The following SERPINA5 variants were observed in gnomAD, a reference collection of about 807,000 sequenced individuals.
SERPINA5 encodes serpin family A member 5.
SERPINA5 carries 25 observed loss-of-function variants against 25.3 expected under a neutral mutation model. That is an observed-to-expected ratio of 0.99 (90% CI 0.72 to 1.38). SERPINA5 has a LOEUF of 1.38. Among genes scored for constraint, SERPINA5 ranks in the 40% most tolerant of loss-of-function variants. The pLI, the probability that SERPINA5 is intolerant of heterozygous loss-of-function variation, is 0.00. For missense variants in SERPINA5, 599 were observed against 509.5 expected, an observed-to-expected ratio of 1.18 and a Z score of -1.69; for synonymous variants, 234 against 206.2, an observed-to-expected ratio of 1.14 and a Z score of -1.16.
chr14:94,588,810 T>G (rs1039792030), intron 3 of SERPINA5, among the ~76,000 whole-genome samples: 2 of 152,160 alleles, frequency 1.3e-5, no homozygotes, highest in African/African-American at 4.8e-5. Flanking sequence ...CCTTGGTTCA[T>G]AGAGAGTGCC....
chr14:94,581,477 A>G lies in SERPINA5; in HGVS notation c.-127A>G, dbSNP rs1884916873. 1 of 152,272 alleles carries G rather than the reference A, an allele frequency of 6.6e-6. No individual in the cohort carries two copies. Among genetic ancestry groups the G allele is most frequent in the Admixed American group, 6.5e-5 (1 of 15,288 alleles). The allele number at this position is 152,272 out of a possible 1,614,324, so 9.4% of individuals were successfully genotyped here. Reference sequence around the variant, plus strand: ...TGCCACCTCCACTGTGTGCACACTCAGCTACGGGACACAGTAAGTACCGAT... The same window carrying G: ...TGCCACCTCCACTGTGTGCACACTCGGCTACGGGACACAGTAAGTACCGAT... On this transcript the variant is annotated 5_prime_UTR_variant, in exon 1 of 6. Transcript: ENST00000329597.
Position 94,592,105 on chromosome 14 carries a change from G to A in SERPINA5, c.1087G>A (p.Ala363Thr). 1 of 1,614,078 alleles carries A rather than the reference G, an allele frequency of 6.2e-7. No homozygotes were observed. Among genetic ancestry groups the A allele is most frequent in the Admixed American group, 1.7e-5 (1 of 60,026 alleles). Residue 363 changes from alanine (A) to threonine (T), a missense_variant, in exon 6 of 6, where the codon GCG becomes ACG. Physicochemically the swap from Ala to Thr is moderately conservative, Grantham distance 58 (BLOSUM62 0). Transcript: ENST00000329597. ...GGTGGACGAGTCGGGAACCAGAGCA[G>A]CGGCAGCCACGGGGACAATATTCAC... ...VEVDESGTRA[A>T]AATGTIFTFR...
chr14:94,588,057 C>T (rs1299274927), intron 3 of SERPINA5, 76 bp downstream of exon 3: 7 of 1,524,966 alleles, frequency 4.6e-6, no homozygotes, highest in Non-Finnish European at 6.2e-6. Context: ...CCAATTCCCT[C>T]ACATACATAA....
At chr14:94,591,989 T>C in intron 5 of SERPINA5, 68 bp from the exon 6 acceptor site, 2 of 1,527,314 alleles carry the variant, frequency 1.3e-6, no homozygotes, top group Non-Finnish European at 1.8e-6. Flanking sequence ...AGGCAGAAGC[T>C]TTGCCATTTG....
At chr14:94,588,574 A>G (rs1885174970) in intron 3 of SERPINA5, among the ~76,000 whole-genome samples, 1 of 151,874 alleles carries the variant, frequency 6.6e-6, no homozygotes, top group Non-Finnish European at 1.5e-5. Flanking sequence ...AAGAGTGGAT[A>G]GAGAGGAGAA....
chr14:94,584,637 A>G (rs1885017511), intron 2 of SERPINA5, among the ~76,000 whole-genome samples: 1 of 152,176 alleles, frequency 6.6e-6, no homozygotes, highest in African/African-American at 2.4e-5. Context: ...AGGCTTGCCC[A>G]GGGTGACCTA....
In SERPINA5 at chr14:94,592,014, C is replaced by G. The variant is rs780627859; in HGVS notation, c.1039-43C>G. 4.4e-6 allele frequency: 7 copies of G among 1,583,724 alleles called. No individual in the cohort carries two copies. The Admixed American group carries it at 1.2e-4, about 27-fold the overall frequency. ...TTTGCCATTTGCTATGATGACTTCA[C>G]CTGCCCCTAGTGGCCTGGTGATGCC... On this transcript the variant is annotated intron_variant, in intron 5 of 5. Coordinates refer to ENST00000329597, the MANE Select transcript of SERPINA5 (RefSeq NM_000624.6).
intron 2 of SERPINA5, among the ~76,000 whole-genome samples, chr14:94,582,498 A>G (rs1884946982): frequency 1.3e-5 from 2 of 152,250 alleles, no homozygotes. Flanking sequence ...ATAGGAAGCC[A>G]GAGCTGAGAG....
At chr14:94,586,406 C>G (rs1216985758) in intron 2 of SERPINA5, among the ~76,000 whole-genome samples, 1 of 152,172 alleles carries the variant, frequency 6.6e-6, no homozygotes, top group Non-Finnish European at 1.5e-5. Context: ...TCCAAGGCCC[C>G]TCTCCTTGGC....
chr14:94,589,832 A>G (rs1340059442), intron 3 of SERPINA5, among the ~76,000 whole-genome samples: 2 of 152,194 alleles, frequency 1.3e-5, no homozygotes, highest in Admixed American at 1.3e-4. Context: ...ATGTGGAAGG[A>G]AAAGTCCCAC....
rs1335443829 is a variant in SERPINA5, at chr14:94,592,270, C to T, written c.*31C>T. 11 of 1,595,276 alleles carry T rather than the reference C, an allele frequency of 6.9e-6. No individual in the cohort carries two copies. The highest frequency in any genetic ancestry group is 9.4e-6 in the Non-Finnish European group (11 of 1,168,684). On this transcript the variant is annotated 3_prime_UTR_variant, in exon 6 of 6. Transcript: ENST00000329597. The stretch of plus-strand genomic sequence containing the variant: ...GGCTTCTCCTGAAATCTACAGGCCT[C>T]AGGGTGGGAGATGAAGGGGGCTAAG...
chr14:94,584,374 A>T (rs1885008513), intron 2 of SERPINA5, among the ~76,000 whole-genome samples: 1 of 152,140 alleles, frequency 6.6e-6, no homozygotes, highest in African/African-American at 2.4e-5. Context: ...TTTAATAATT[A>T]GTGGTTTTAC....
At chr14:94,589,375 G>GAC (rs1885201775) in intron 3 of SERPINA5, among the ~76,000 whole-genome samples, 1 of 152,048 alleles carries the variant, frequency 6.6e-6, no homozygotes, top group African/African-American at 2.4e-5. Flanking sequence ...TTGAACCTGG[G>GAC]AGGTGGGGGC....
In SERPINA5 at chr14:94,592,566, C is replaced by A; in HGVS notation, c.*327C>A. On this transcript the variant is annotated 3_prime_UTR_variant, in exon 6 of 6. Transcript: ENST00000329597. ...GTCCAGAGTCCTGGCCCTTGATGCC[C>A]AGCTCAGTGCCACAAAGCTCAATAG... The A allele has an allele frequency of 4.3e-6, 1 of 234,432 alleles. No homozygotes were observed. Among genetic ancestry groups the A allele is most frequent in the South Asian group, 8.7e-5 (1 of 11,484 alleles). 14.5% of individuals were successfully genotyped at this position (234,432 alleles called of 1,614,324 possible). A position where few individuals can be genotyped will look rare whatever the true frequency, so the allele number is the denominator to read the frequency against.
chr14:94,591,141 A>G (rs539482939), intron 5 of SERPINA5, among the ~76,000 whole-genome samples: 1 of 142,762 alleles, frequency 7.0e-6, no homozygotes, highest in South Asian at 2.3e-4. Context: ...AGTTCACTCT[A>G]TTCCATTCCA....
chr14:94,584,444 C>T (rs1395786793), intron 2 of SERPINA5, among the ~76,000 whole-genome samples: 1 of 151,918 alleles, frequency 6.6e-6, no homozygotes, highest in African/African-American at 2.4e-5. Context: ...AACATGTAGC[C>T]CAGGAGAGCC....
At chr14:94,588,451 G>A (rs1272429852) in intron 3 of SERPINA5, among the ~76,000 whole-genome samples, 1 of 152,090 alleles carries the variant, frequency 6.6e-6, no homozygotes, top group Non-Finnish European at 1.5e-5. Flanking sequence ...CCTCTGAAAT[G>A]CCTCCTCCTG....
intron 3 of SERPINA5, among the ~76,000 whole-genome samples, chr14:94,589,079 C>G (rs964027295): frequency 1.3e-5 from 2 of 152,192 alleles, no homozygotes; most frequent in East Asian, 1.9e-4. Flanking sequence ...CCCCATTACA[C>G]CAGATTGCTG....
chr14:94,586,096 G>A lies in SERPINA5; in HGVS notation c.-17-1250G>A, dbSNP rs920566121. Among the ~76,000 whole-genome samples, 9 of 152,262 alleles carry A rather than the reference G, an allele frequency of 5.9e-5. 1 individual carries two copies. Among genetic ancestry groups the A allele is most frequent in the East Asian group, 5.8e-4 (3 of 5,150 alleles). ...GAGGGAGGAGGCAAGACTTCTACCC[G>A]TAGCCAGATGGGGAGGCATGGGCAC... On this transcript the variant is annotated intron_variant, in intron 2 of 5. Transcript: ENST00000329597.
Sources: allele counts gnomAD v4.1 joint callset (sites outside exome capture counted in the v4.1 genomes callset), GRCh38; gene constraint gnomAD v4.1.1; transcripts MANE v1.5; gene names NCBI Gene and HGNC (gene_info 2026-07-23, HGNC 2026-07-21).